The following ZFAT variants were observed in gnomAD, a reference collection of about 807,000 sequenced individuals.
The protein encoded by ZFAT is zinc finger protein ZFAT.
A neutral mutation model predicts 117.7 loss-of-function variants in ZFAT; 64 were observed. The observed-to-expected ratio is 0.54, with a 90% CI of 0.44 to 0.67. The LOEUF is 0.67. Among genes scored for constraint, ZFAT ranks in the 30% least tolerant of loss-of-function variants. The pLI is 0.00. For synonymous variants in ZFAT, 679 were observed against 615.0 expected (o/e 1.10, Z -1.54); for missense variants, 1,433 against 1,584.5 (o/e 0.90, Z 1.62).
At chr8:134,496,895 G>A (rs1234534367) in intron 15 of ZFAT, among the ~76,000 whole-genome samples, 1 of 152,242 alleles carries the variant, frequency 6.6e-6, no homozygotes, top group Non-Finnish European at 1.5e-5. Flanking sequence ...CTCAGGGCAG[G>A]AAGGACCTGA....
intron 11 of ZFAT, among the ~76,000 whole-genome samples, chr8:134,550,150 T>C (rs568717675): frequency 1.5e-4 from 23 of 152,244 alleles, no homozygotes; most frequent in African/African-American, 5.5e-4. Flanking sequence ...ATAATCCAAG[T>C]CTTCCTGAAA....
At chr8:134,651,666 A>G (rs1563727985) in intron 2 of ZFAT, among the ~76,000 whole-genome samples, 1 of 152,232 alleles carries the variant, frequency 6.6e-6, no homozygotes, top group African/African-American at 2.4e-5. Flanking sequence ...GGGTAAAGGT[A>G]TAGAGAAGGA....
intron 12 of ZFAT, among the ~76,000 whole-genome samples, chr8:134,532,502 A>C (rs1336105279): frequency 6.6e-6 from 1 of 152,216 alleles, no homozygotes; most frequent in Non-Finnish European, 1.5e-5. Context: ...AGACAACCGA[A>C]CTTTCATCTC....
At chr8:134,728,166 T>G in the ZFAT span, among the ~76,000 whole-genome samples, 5 of 151,592 alleles carry the variant, frequency 3.3e-5, no homozygotes, top group Non-Finnish European at 5.9e-5. Flanking sequence ...ATATTTTTCC[T>G]AAGGCCAAGC....
At chr8:134,540,777 G>A (rs1563825923) in intron 11 of ZFAT, among the ~76,000 whole-genome samples, 1 of 152,118 alleles carries the variant, frequency 6.6e-6, no homozygotes, top group Admixed American at 6.5e-5. Flanking sequence ...GGGAAATTCT[G>A]AAAAAGTGAA....
chr8:134,641,389 A>C (rs114334631), intron 2 of ZFAT, among the ~76,000 whole-genome samples: 1 of 151,896 alleles, frequency 6.6e-6, no homozygotes, highest in Non-Finnish European at 1.5e-5. Context: ...AGCTGTGACC[A>C]CCTCCTTCAC....
chr8:134,784,002 G>A, the ZFAT span: 1 of 152,226 alleles, frequency 6.6e-6, no homozygotes, highest in South Asian at 2.1e-4. Context: ...GATACTGCAA[G>A]GTGCAATGCC....
intron 1 of ZFAT, among the ~76,000 whole-genome samples, chr8:134,663,002 G>T (rs908800599): frequency 6.6e-6 from 1 of 152,250 alleles, no homozygotes. Flanking sequence ...GCACAGACAC[G>T]CACAAGGGTG....
chr8:134,527,407 G>A (rs1013673328), intron 12 of ZFAT, among the ~76,000 whole-genome samples: 3 of 152,266 alleles, frequency 2.0e-5, no homozygotes, highest in Middle Eastern at 3.4e-3. Flanking sequence ...ATACGAATAC[G>A]GATAAGGACA....
At chr8:134,831,622 G>A in the ZFAT span, among the ~76,000 whole-genome samples, 2 of 152,192 alleles carry the variant, frequency 1.3e-5, no homozygotes, top group African/African-American at 4.8e-5. Flanking sequence ...TCTTGCAACT[G>A]CCGGATAAAC....
chr8:134,498,361 A>G (rs1818674261), intron 15 of ZFAT, among the ~76,000 whole-genome samples: 2 of 133,246 alleles, frequency 1.5e-5, no homozygotes, highest in South Asian at 5.4e-4. Flanking sequence ...TTACACACAC[A>G]GCCTGATTTG....
intron 3 of ZFAT, among the ~76,000 whole-genome samples, chr8:134,616,130 T>C (rs1459735772): frequency 2.0e-5 from 3 of 152,012 alleles, no homozygotes; most frequent in Non-Finnish European, 4.4e-5. Flanking sequence ...AAATATCAGG[T>C]TCTCCACCGC....
intron 1 of ZFAT, among the ~76,000 whole-genome samples, chr8:134,677,350 T>G (rs950133710): frequency 1.3e-5 from 2 of 152,144 alleles, no homozygotes; most frequent in Non-Finnish European, 2.9e-5. Flanking sequence ...CTAGAAGAAA[T>G]GGACTAATTC....
chr8:134,518,252 T>G (rs1035017141), intron 13 of ZFAT, among the ~76,000 whole-genome samples: 2 of 152,232 alleles, frequency 1.3e-5, no homozygotes, highest in Non-Finnish European at 1.5e-5. Flanking sequence ...TATGTCAGTA[T>G]GGACACAGTG....
chr8:134,741,685 A>G, the ZFAT span, among the ~76,000 whole-genome samples: 2 of 152,084 alleles, frequency 1.3e-5, no homozygotes, highest in African/African-American at 4.8e-5. Flanking sequence ...AGCCACACCC[A>G]GTCCAGACCT....
chr8:134,830,122 A>G, the ZFAT span, among the ~76,000 whole-genome samples: 1 of 152,236 alleles, frequency 6.6e-6, no homozygotes, highest in African/African-American at 2.4e-5. Flanking sequence ...AACAAGACCT[A>G]CAGGAGGGGG....
At chr8:134,496,650 G>A (rs72735758) in intron 15 of ZFAT, among the ~76,000 whole-genome samples, 8,542 of 152,322 alleles carry the variant, frequency 0.056, 417 homozygotes, top group East Asian at 0.29. Context: ...CCAAGTGCTA[G>A]AGATCCCAGA....
In ZFAT at chr8:134,637,606, G is replaced by A; in HGVS notation, c.303C>T (p.Ser101=). ...TGTTCCCTTCCTCCGGAGCCAGCGG[G>A]CTGTCCTCAGTCGGACTCACGATGT... ...AENIVSPTED[S]PLAPEEGNSL... The change falls in exon 3 of 16, where the codon AGC becomes AGT. Residue 101 remains serine, a synonymous_variant. Transcript: ENST00000377838. The A allele has an allele frequency of 6.2e-7, 1 of 1,614,222 alleles. No individual in the cohort carries two copies. The highest frequency in any genetic ancestry group is 8.5e-7 in the Non-Finnish European group (1 of 1,180,044).
intron 10 of ZFAT, among the ~76,000 whole-genome samples, chr8:134,572,834 G>A (rs1389820650): frequency 6.6e-6 from 1 of 150,398 alleles, no homozygotes; most frequent in Non-Finnish European, 1.5e-5. Context: ...TGGGAACAAA[G>A]ACTTCCTGGT....
Sources: allele counts gnomAD v4.1 joint callset (sites outside exome capture counted in the v4.1 genomes callset), GRCh38; gene constraint gnomAD v4.1.1; transcripts MANE v1.5; gene names NCBI Gene and HGNC (gene_info 2026-07-23, HGNC 2026-07-21).